Variants in CACNA1E observed in about 807,000 individuals in gnomAD.
The protein encoded by CACNA1E is voltage-dependent R-type calcium channel subunit alpha-1E.
CACNA1E carries 40 observed loss-of-function variants against 259.2 expected under a neutral mutation model. That is an observed-to-expected ratio of 0.15 (90% confidence interval 0.12 to 0.20). CACNA1E has a LOEUF of 0.20. Among genes scored for constraint, CACNA1E ranks in the 10% least tolerant of loss-of-function variants. The probability of loss-of-function intolerance (pLI) is 1.00; values close to 1 mark genes in which losing one functional copy is unlikely to be tolerated. For missense variants in CACNA1E, 1,874 were observed against 3,040.1 expected (o/e 0.62, Z 9.02); for synonymous variants, 1,104 against 1,138.5 (o/e 0.97, Z 0.61).
At chr1:181,674,447 C>T (rs1477217593) in intron 7 of CACNA1E, among the ~76,000 whole-genome samples, 2 of 142,192 alleles carry the variant, frequency 1.4e-5, no homozygotes. Context: ...AATTAAAATA[C>T]TCATTGATCA....
At chr1:181,723,890 G>A (rs1368702009) in intron 16 of CACNA1E, among the ~76,000 whole-genome samples, 1 of 152,216 alleles carries the variant, frequency 6.6e-6, no homozygotes, top group East Asian at 1.9e-4. Flanking sequence ...CTATCCAGAA[G>A]CTCTCCGAAC....
At chr1:181,546,771 G>A (rs1356456357) in intron 3 of CACNA1E, among the ~76,000 whole-genome samples, 1 of 152,214 alleles carries the variant, frequency 6.6e-6, no homozygotes, top group Non-Finnish European at 1.5e-5. Context: ...CTCAGGACAT[G>A]ATGTGCTCTG....
intron 3 of CACNA1E, among the ~76,000 whole-genome samples, chr1:181,513,334 T>A (rs746009836): frequency 6.6e-6 from 1 of 152,268 alleles, no homozygotes; most frequent in African/African-American, 2.4e-5. Flanking sequence ...TTCTTCCCAA[T>A]ATAGTATGAG....
chr1:181,518,995 A>G (rs1666798105), intron 3 of CACNA1E, among the ~76,000 whole-genome samples: 1 of 152,200 alleles, frequency 6.6e-6, no homozygotes, highest in South Asian at 2.1e-4. Flanking sequence ...AGGGTGATAC[A>G]GGGAAAGAAA....
intron 3 of CACNA1E, among the ~76,000 whole-genome samples, chr1:181,520,782 C>A (rs1251601908): frequency 6.6e-6 from 1 of 152,036 alleles, no homozygotes; most frequent in Non-Finnish European, 1.5e-5. Context: ...GAAACAAAGG[C>A]CTTTATTTTA....
intron 3 of CACNA1E, among the ~76,000 whole-genome samples, chr1:181,577,083 G>A (rs1220859410): frequency 6.6e-6 from 1 of 152,198 alleles, no homozygotes; most frequent in East Asian, 1.9e-4. Context: ...TAGGAAATAA[G>A]TTGTCTCCTT....
chr1:181,427,208 A>G (rs1659347002), intron 2 of CACNA1E, among the ~76,000 whole-genome samples: 1 of 142,668 alleles, frequency 7.0e-6, no homozygotes, highest in South Asian at 2.3e-4. Context: ...TCTCAAGCCT[A>G]CCTCATCTGA....
Position 181,802,587 on chromosome 1 carries a change from C to T in CACNA1E, c.*3753C>T, listed in dbSNP as rs902985979. 4 of 152,134 alleles carry T rather than the reference C, an allele frequency of 2.6e-5. No homozygotes were observed. The highest frequency in any genetic ancestry group is 4.4e-5 in the Non-Finnish European group (3 of 68,056). The allele number at this position is 152,134 out of a possible 1,614,324, so 9.4% of individuals were successfully genotyped here. A position where few individuals can be genotyped will look rare whatever the true frequency, so the allele number is the denominator to read the frequency against. ...TTATTTGCTTGCCTGACTGACTCCA[C>T]CACTCTCTCAGCTATGGGGGAATAT... On this transcript the variant is annotated 3_prime_UTR_variant, in exon 48 of 48. Transcript: ENST00000367573.
upstream of CACNA1E, among the ~76,000 whole-genome samples, chr1:181,479,746 G>C (rs546936378): frequency 1.2e-4 from 19 of 152,262 alleles, no homozygotes; most frequent in African/African-American, 4.3e-4. Flanking sequence ...TTACCCTATT[G>C]CTGTCCTGAA....
intron 7 of CACNA1E, among the ~76,000 whole-genome samples, chr1:181,678,376 C>T (rs1457987837): frequency 6.6e-6 from 1 of 152,148 alleles, no homozygotes. Context: ...AACAAAGTCA[C>T]CATTCACCTG....
chr1:181,620,496 C>A (rs538379689), intron 6 of CACNA1E, among the ~76,000 whole-genome samples: 44 of 152,220 alleles, frequency 2.9e-4, no homozygotes, highest in African/African-American at 1.1e-3. Context: ...TAGAGTTGAC[C>A]AATGGGCTGG....
At chr1:181,327,182 G>C (rs1441250757) in intron 1 of CACNA1E, among the ~76,000 whole-genome samples, 5 of 152,168 alleles carry the variant, frequency 3.3e-5, no homozygotes, top group Admixed American at 1.3e-4. Context: ...ATATAAACAA[G>C]TAAAGATGCT....
intron 1 of CACNA1E, among the ~76,000 whole-genome samples, chr1:181,363,518 G>C (rs1342605806): frequency 1.3e-5 from 2 of 152,154 alleles, no homozygotes; most frequent in African/African-American, 2.4e-5. Context: ...GGGACTAGAG[G>C]GGCAGGACAA....
At position 181,799,900 on chromosome 1, in the gene CACNA1E, C is replaced by T. The variant is rs1429870252; in HGVS notation, c.*1066C>T. ...CACCTCCTGGCTGAAGGTCAGCCCACACTCTGGTCCATGAGGCAGCAAGGC... is the reference window on the plus strand; with the variant it reads ...CACCTCCTGGCTGAAGGTCAGCCCATACTCTGGTCCATGAGGCAGCAAGGC... On this transcript the variant is annotated 3_prime_UTR_variant, in exon 48 of 48. Coordinates refer to ENST00000367573, the MANE Select transcript of CACNA1E (RefSeq NM_001205293.3). 2.0e-5 allele frequency: 3 copies of T among 152,394 alleles called. No individual in the cohort carries two copies. Among genetic ancestry groups the T allele is most frequent in the Non-Finnish European group, 4.4e-5 (3 of 68,172 alleles). The allele number at this position is 152,394 out of a possible 1,614,324, so 9.4% of individuals were successfully genotyped here. A position where few individuals can be genotyped will look rare whatever the true frequency, so the allele number is the denominator to read the frequency against.
intron 7 of CACNA1E, among the ~76,000 whole-genome samples, chr1:181,653,416 G>A (rs1658928640): frequency 6.6e-6 from 1 of 152,212 alleles, no homozygotes; most frequent in South Asian, 2.1e-4. Flanking sequence ...CTGCTGCCAA[G>A]TGAGATGTGC....
intron 6 of CACNA1E, among the ~76,000 whole-genome samples, chr1:181,636,286 G>A (rs1657205345): frequency 6.6e-6 from 1 of 152,204 alleles, no homozygotes; most frequent in South Asian, 2.1e-4. Context: ...CCTCAGGCAA[G>A]TTACTTAACC....
At chr1:181,601,353 T>A (rs1260945950) in intron 6 of CACNA1E, among the ~76,000 whole-genome samples, 10 of 152,184 alleles carry the variant, frequency 6.6e-5, no homozygotes, top group Admixed American at 6.5e-4. Flanking sequence ...TAGACACTGC[T>A]CAGAACTGCT....
chr1:181,446,024 A>G (rs1660766611), intron 2 of CACNA1E, among the ~76,000 whole-genome samples: 1 of 152,184 alleles, frequency 6.6e-6, no homozygotes, highest in South Asian at 2.1e-4. Context: ...TCACTCATTC[A>G]TCTTGGAGCC....
chr1:181,635,841 G>A (rs1422679216), intron 6 of CACNA1E, among the ~76,000 whole-genome samples: 1 of 152,174 alleles, frequency 6.6e-6, no homozygotes, highest in Non-Finnish European at 1.5e-5. Context: ...TGTTTATTGA[G>A]CATCTATTCA....
Sources: allele counts gnomAD v4.1 joint callset (sites outside exome capture counted in the v4.1 genomes callset), GRCh38; gene constraint gnomAD v4.1.1; transcripts MANE v1.5; gene names NCBI Gene and HGNC (gene_info 2026-07-23, HGNC 2026-07-21).